Variants in STK32C observed in about 807,000 individuals in gnomAD.
The protein encoded by STK32C is serine/threonine-protein kinase 32C.
Under a neutral mutation model 56.5 loss-of-function variants are expected in STK32C, and 31 were observed. That is an observed-to-expected ratio of 0.55 (90% CI 0.41 to 0.74). The LOEUF (loss-of-function observed/expected upper bound fraction) is 0.74. Among genes scored for constraint, STK32C ranks in the 30% least tolerant of loss-of-function variants. STK32C has a pLI of 0.00. For synonymous variants in STK32C, 309 were observed against 289.4 expected (o/e 1.07, Z -0.69); for missense variants, 544 against 676.9 (o/e 0.80, Z 2.18).
At chr10:132,268,309 T>G (rs1389856941) in intron 1 of STK32C, among the ~76,000 whole-genome samples, 11 of 92,130 alleles carry the variant, frequency 1.2e-4, no homozygotes, top group South Asian at 7.8e-4. Context: ...GTCTCTCACA[T>G]TGTGTATGTG....
chr10:132,270,559 T>TA (rs961368339), intron 1 of STK32C, among the ~76,000 whole-genome samples: 1 of 152,204 alleles, frequency 6.6e-6, no homozygotes, highest in African/African-American at 2.4e-5. Flanking sequence ...GGCCGTGAGT[T>TA]ACGGCAACCC....
chr10:132,222,169 C>A (rs2062697396), intron 10 of STK32C, among the ~76,000 whole-genome samples: 2 of 149,638 alleles, frequency 1.3e-5, no homozygotes, highest in South Asian at 4.5e-4. Context: ...GCCATCCCTG[C>A]ACACACAACC....
intron 1 of STK32C, among the ~76,000 whole-genome samples, chr10:132,284,350 GA>G (rs1271466096): frequency 1.5e-3 from 44 of 28,836 alleles, no homozygotes; most frequent in African/African-American, 4.8e-3. Context: ...AGGTTGGGGG[GA>G]ACAGGTGAGG....
intron 3 of STK32C, among the ~76,000 whole-genome samples, chr10:132,227,592 G>A (rs2062935943): frequency 1.3e-5 from 2 of 149,560 alleles, no homozygotes; most frequent in Admixed American, 6.8e-5. Context: ...TTGCAGTGGT[G>A]ATGGTGGTGG....
intron 1 of STK32C, among the ~76,000 whole-genome samples, chr10:132,297,517 C>T (rs1433819297): frequency 6.6e-6 from 1 of 152,186 alleles, no homozygotes; most frequent in Non-Finnish European, 1.5e-5. Context: ...GATTTTTTTT[C>T]CTCCCCTTTT....
chr10:132,211,616 G>A (rs1466275378), intron 10 of STK32C, among the ~76,000 whole-genome samples: 1 of 152,202 alleles, frequency 6.6e-6, no homozygotes, highest in African/African-American at 2.4e-5. Context: ...GGCAGGGTCT[G>A]TGCCTGGCCT....
intron 1 of STK32C, among the ~76,000 whole-genome samples, chr10:132,294,294 G>C (rs1192389295): frequency 6.6e-6 from 1 of 152,278 alleles, no homozygotes; most frequent in East Asian, 1.9e-4. Context: ...AGGAGTGTCA[G>C]ACCCTGCCAT....
At chr10:132,281,925 C>T (rs1466943188) in intron 1 of STK32C, among the ~76,000 whole-genome samples, 8 of 152,160 alleles carry the variant, frequency 5.3e-5, no homozygotes, top group Admixed American at 2.0e-4. Context: ...GCTCCTCAGA[C>T]GGGAGCCTGT....
At chr10:132,285,750 C>G (rs962665317) in intron 1 of STK32C, among the ~76,000 whole-genome samples, 1 of 152,210 alleles carries the variant, frequency 6.6e-6, no homozygotes, top group Admixed American at 6.5e-5. Context: ...TTGCATCATT[C>G]CCCTCTATTA....
In STK32C at chr10:132,225,793, A is replaced by G; in HGVS notation, c.645-9T>C. 6.2e-7 allele frequency: 1 copy of G among 1,613,986 alleles called. No individual in the cohort carries two copies. The highest frequency in any genetic ancestry group is 8.5e-7 in the Non-Finnish European group (1 of 1,179,992). On this transcript the variant is annotated splice_polypyrimidine_tract_variant and intron_variant, in intron 4 of 11. Transcript: ENST00000298630. ...TGTCAGGCTTGACATCTCTAGAAAG[A>G]GCAGAAAGTGGGAAGGTGAGTTGGG...
intron 1 of STK32C, among the ~76,000 whole-genome samples, chr10:132,269,415 G>C (rs1289856078): frequency 6.6e-6 from 1 of 152,200 alleles, no homozygotes. Context: ...TGGCCGCACC[G>C]GATCTTCCCC....
At chr10:132,253,195 C>T (rs567584578) in intron 1 of STK32C, among the ~76,000 whole-genome samples, 45 of 152,354 alleles carry the variant, frequency 3.0e-4, no homozygotes, top group Non-Finnish European at 6.0e-4. Context: ...GGAGCTTTTC[C>T]GGAAAGCAGC....
intron 11 of STK32C, among the ~76,000 whole-genome samples, chr10:132,208,635 T>C (rs2062183482): frequency 6.6e-6 from 1 of 152,190 alleles, no homozygotes; most frequent in Non-Finnish European, 1.5e-5. Context: ...CTGCTATTTC[T>C]GGCCTGCCTT....
At chr10:132,273,557 C>T (rs557993553) in intron 1 of STK32C, among the ~76,000 whole-genome samples, 12 of 150,136 alleles carry the variant, frequency 8.0e-5, no homozygotes, top group South Asian at 4.2e-4. Context: ...GATGAATGAG[C>T]GAATGAACAC....
At chr10:132,267,812 A>G (rs1306035425) in intron 1 of STK32C, among the ~76,000 whole-genome samples, 3 of 82,940 alleles carry the variant, frequency 3.6e-5, no homozygotes, top group Admixed American at 1.3e-4. Flanking sequence ...CATGTCCCAC[A>G]TCGTGTGTGT....
At chr10:132,326,741 A>G (rs6560691) in intron 1 of STK32C, among the ~76,000 whole-genome samples, 22,155 of 152,080 alleles carry the variant, frequency 0.15, 1,805 homozygotes, top group East Asian at 0.37. Context: ...AAGCGCGCCC[A>G]GTCCTCCACT....
intron 1 of STK32C, among the ~76,000 whole-genome samples, chr10:132,277,547 T>G (rs2065028307): frequency 6.6e-6 from 1 of 152,210 alleles, no homozygotes; most frequent in African/African-American, 2.4e-5. Flanking sequence ...GAGAGCTCAG[T>G]GGCCAATCAC....
intron 1 of STK32C, among the ~76,000 whole-genome samples, chr10:132,326,609 C>T (rs536153846): frequency 1.2e-4 from 18 of 152,352 alleles, no homozygotes; most frequent in African/African-American, 4.1e-4. Flanking sequence ...AGGCGTGAGC[C>T]ACCTCGCCCA....
chr10:132,323,129 AATGACGTTTTC>A (rs56933212), downstream of STK32C, among the ~76,000 whole-genome samples: 100 of 152,194 alleles, frequency 6.6e-4, no homozygotes, highest in African/African-American at 2.3e-3. The surrounding 1 kb of genome is among the most constrained non-coding windows in gnomAD (Gnocchi z 4.8). Flanking sequence ...TTACTGAAAT[AATGACGTTTTC>A]AGTTGCTTAG....
Sources: gnomAD v4.1 joint callset for allele counts (sites outside exome capture counted in the v4.1 genomes callset) on GRCh38, gnomAD v4.1.1 for gene constraint, Gnocchi (gnomAD v3.1) non-coding constraint, MANE v1.5 for transcripts, NCBI Gene and HGNC (gene_info 2026-07-23, HGNC 2026-07-21) for gene names.